Variants in WDR27 observed in about 807,000 individuals in gnomAD.
The protein encoded by WDR27 is WD repeat-containing protein 27.
In WDR27, 100 loss-of-function variants were observed where a neutral mutation model predicts 114.4. The observed-to-expected ratio is 0.87, with a 90% CI of 0.74 to 1.03. The LOEUF is 1.03. Ranked by LOEUF, WDR27 falls within the 50% of genes least tolerant of loss-of-function variation. WDR27 has a pLI of 0.00. For missense variants in WDR27, 1,129 were observed against 1,092.9 expected (o/e 1.03, Z -0.47); for synonymous variants, 449 against 423.1 (o/e 1.06, Z -0.75).
At chr6:169,459,937 C>CCATTT (rs1200577839) in intron 25 of WDR27, among the ~76,000 whole-genome samples, 3 of 152,110 alleles carry the variant, frequency 2.0e-5, no homozygotes, top group Admixed American at 6.6e-5. Context: ...TACCACTAGA[C>CCATTT]CTGCCCTGCC....
intron 16 of WDR27, among the ~76,000 whole-genome samples, chr6:169,646,840 A>G (rs1315565618): frequency 6.6e-6 from 1 of 152,196 alleles, no homozygotes; most frequent in East Asian, 1.9e-4. Flanking sequence ...TGTTCAGTCT[A>G]TCAAAGATCA....
the WDR27 span, among the ~76,000 whole-genome samples, chr6:169,436,450 A>G: frequency 2.0e-5 from 3 of 149,810 alleles, no homozygotes; most frequent in Non-Finnish European, 3.0e-5. Context: ...AAACAACTGT[A>G]TCTTCTGAGT....
chr6:169,623,124 A>T (rs1438142478), intron 21 of WDR27, among the ~76,000 whole-genome samples: 1 of 152,022 alleles, frequency 6.6e-6, no homozygotes, highest in Admixed American at 6.6e-5. Flanking sequence ...TGCTTGAGAT[A>T]TTTTGCATAC....
rs139511986 is a variant in WDR27 at position 169,538,928 on chromosome 6, C to T, written c.2645+33491G>A. On this transcript the variant is annotated intron_variant, in intron 25 of 25. Transcript: ENST00000448612. ...TAAATGTGTAGGCCATATAGTTTCT[C>T]GCACTTACCCTGTTCTATCTTAATT... Among the ~76,000 whole-genome samples, 41 of 152,274 alleles carry T rather than the reference C, an allele frequency of 2.7e-4. 3 individuals carry two copies. In the East Asian group the frequency reaches 6.2e-3, roughly 23 times the overall value.
chr6:169,624,301 G>C (rs866315470), intron 21 of WDR27, among the ~76,000 whole-genome samples: 4 of 152,106 alleles, frequency 2.6e-5, no homozygotes, highest in Non-Finnish European at 1.5e-5. Context: ...TCAGGTGTGT[G>C]GCATCAGGTG....
chr6:169,495,997 C>A (rs940100801), intron 25 of WDR27, among the ~76,000 whole-genome samples: 9 of 152,004 alleles, frequency 5.9e-5, no homozygotes, highest in Admixed American at 5.9e-4. Context: ...CCCTTATGAA[C>A]ATTAATGCAA....
intron 16 of WDR27, among the ~76,000 whole-genome samples, chr6:169,644,599 C>T (rs112642547): frequency 1.9e-4 from 21 of 112,184 alleles, no homozygotes; most frequent in African/African-American, 6.2e-4. Context: ...CTGTGGAAAA[C>T]CCTAGTTCAC....
chr6:169,570,143 G>C (rs1442503451), intron 25 of WDR27, among the ~76,000 whole-genome samples: 2 of 152,172 alleles, frequency 1.3e-5, no homozygotes, highest in East Asian at 3.9e-4. Context: ...TCTTGCGCTT[G>C]ATGCTGGTCC....
intron 2 of WDR27, among the ~76,000 whole-genome samples, chr6:169,674,764 C>A (rs1779650829): frequency 6.6e-6 from 1 of 152,138 alleles, no homozygotes; most frequent in Non-Finnish European, 1.5e-5. Context: ...GTGAAGAGAC[C>A]ACCAAACAGG....
intron 21 of WDR27, among the ~76,000 whole-genome samples, chr6:169,629,624 A>G (rs914876258): frequency 2.0e-5 from 3 of 152,180 alleles, no homozygotes; most frequent in African/African-American, 7.2e-5. Flanking sequence ...ATGGTAAGCA[A>G]TATGTTTTAA....
intron 5 of WDR27, 137 bp downstream of exon 5, chr6:169,667,845 G>C (rs1019418132): frequency 8.5e-6 from 7 of 822,334 alleles, no homozygotes; most frequent in Non-Finnish European, 1.1e-5. Flanking sequence ...TCAGGATAGC[G>C]GGCGCCTTGC....
At chr6:169,685,867 A>G (rs1246597560) in intron 2 of WDR27, among the ~76,000 whole-genome samples, 12 of 152,184 alleles carry the variant, frequency 7.9e-5, no homozygotes, top group Non-Finnish European at 1.8e-4. Context: ...ATAACCAAAT[A>G]GTTTCAAACC....
At chr6:169,679,314 A>G (rs1420801132) in intron 2 of WDR27, among the ~76,000 whole-genome samples, 3 of 152,214 alleles carry the variant, frequency 2.0e-5, no homozygotes, top group Non-Finnish European at 4.4e-5. Flanking sequence ...AAATCTCTTA[A>G]AATATTTTAC....
At chr6:169,501,784 G>A (rs1354147331) in intron 25 of WDR27, among the ~76,000 whole-genome samples, 2 of 152,202 alleles carry the variant, frequency 1.3e-5, no homozygotes, top group East Asian at 1.9e-4. Flanking sequence ...GTAACCTAGC[G>A]AAGCCCGCGA....
At chr6:169,430,223 C>A in the WDR27 span, among the ~76,000 whole-genome samples, 1 of 152,158 alleles carries the variant, frequency 6.6e-6, no homozygotes, top group Non-Finnish European at 1.5e-5. Flanking sequence ...GAGCCTGTTA[C>A]CTGAAGAAAG....
intron 2 of WDR27, among the ~76,000 whole-genome samples, chr6:169,681,694 C>T (rs982143406): frequency 1.3e-5 from 2 of 152,246 alleles, no homozygotes; most frequent in African/African-American, 2.4e-5. Flanking sequence ...CTCCAATTCC[C>T]TCATCTGAGG....
chr6:169,688,906 C>T lies in WDR27; in HGVS notation c.100G>A (p.Val34Ile). The change falls in exon 2 of 26, where the codon GTT (valine) becomes ATT (isoleucine). Residue 34 changes from valine to isoleucine, a missense_variant. Coordinates refer to ENST00000448612, the MANE Select transcript of WDR27 (RefSeq NM_182552.5). ...TCCTGCATGCTGCAAGCAAGCTGAACATGAGACACAGACTCCTTGGATTCA... is the reference window on the plus strand; with the variant it reads ...TCCTGCATGCTGCAAGCAAGCTGAATATGAGACACAGACTCCTTGGATTCA... ...LVESKESVSH[V>I]QLACSMQDCA... 6.2e-7 allele frequency: 1 copy of T among 1,613,942 alleles called. No homozygotes were observed. Among genetic ancestry groups the T allele is most frequent in the Non-Finnish European group, 8.5e-7 (1 of 1,179,870 alleles).
At chr6:169,638,695 A>G (rs1194495210) in intron 17 of WDR27, 35 bp from the exon 18 acceptor site, 1 of 1,571,986 alleles carries the variant, frequency 6.4e-7, no homozygotes. Context: ...TACTATTTCT[A>G]CTATTAATAT....
At chr6:169,642,927 T>C (rs1275581964) in intron 17 of WDR27, among the ~76,000 whole-genome samples, 3 of 152,182 alleles carry the variant, frequency 2.0e-5, no homozygotes, top group Non-Finnish European at 4.4e-5. Context: ...GATTTTGGAG[T>C]ATTTGCATTA....
Sources: allele counts gnomAD v4.1 joint callset (sites outside exome capture counted in the v4.1 genomes callset), GRCh38; gene constraint gnomAD v4.1.1; transcripts MANE v1.5; gene names NCBI Gene and HGNC (gene_info 2026-07-23, HGNC 2026-07-21).